TRAPPC11: variants seen among roughly 807,000 people sequenced by gnomAD.
The protein encoded by TRAPPC11 is trafficking protein particle complex subunit 11, also known as foie gras homolog.
In TRAPPC11, 104 loss-of-function variants were observed where a neutral mutation model predicts 151.2. The ratio of observed to expected loss-of-function variants is 0.69; its 90% CI spans 0.59 to 0.81. The LOEUF (loss-of-function observed/expected upper bound fraction) is 0.81, where lower values mean the gene tolerates loss of function less well. TRAPPC11 is among the 30% of genes least tolerant of loss of function. The probability of loss-of-function intolerance (pLI) is 0.00; values close to 1 mark genes in which losing one functional copy is unlikely to be tolerated. For missense variants in TRAPPC11, 1,230 were observed against 1,349.6 expected, an observed-to-expected ratio of 0.91 and a Z score of 1.39; for synonymous variants, 456 against 472.3, an observed-to-expected ratio of 0.97 and a Z score of 0.45.
Position 183,668,846 on chromosome 4 carries a change from T to C in TRAPPC11, c.560+729T>C, listed in dbSNP as rs78154273. On this transcript the variant is annotated intron_variant, in intron 5 of 29. Coordinates refer to ENST00000334690, the MANE Select transcript of TRAPPC11 (RefSeq NM_021942.6). ...TTTTATGCTAGGATGTATTTAGATA[T>C]GAATATTTTCATTGATTTTGACTGT... Among the ~76,000 whole-genome samples, 738 of 152,358 alleles carry C rather than the reference T, an allele frequency of 4.8e-3. 59 individuals are homozygous for C. The East Asian group carries it at 0.13, about 26-fold the overall frequency.
intron 29 of TRAPPC11, among the ~76,000 whole-genome samples, chr4:183,712,267 A>G (rs1422695568): frequency 3.9e-5 from 6 of 152,202 alleles, no homozygotes; most frequent in African/African-American, 1.4e-4. Flanking sequence ...CATGTGGGAG[A>G]TGGCCTGGCA....
chr4:183,661,347 C>T (rs1223379378), intron 1 of TRAPPC11, among the ~76,000 whole-genome samples: 1 of 145,752 alleles, frequency 6.9e-6, no homozygotes, highest in African/African-American at 2.5e-5. Flanking sequence ...TACTGGTATA[C>T]TGGTGTAGAT....
At chr4:183,694,141 G>T (rs1736408746) in intron 22 of TRAPPC11, 103 bp downstream of exon 22, 2 of 1,226,096 alleles carry the variant, frequency 1.6e-6, no homozygotes, top group Admixed American at 2.3e-5. Flanking sequence ...CATATTCTAG[G>T]ACTGAAAAAG....
intron 27 of TRAPPC11, chr4:183,706,051 A>T (rs1737036698): frequency 6.7e-6 from 1 of 149,582 alleles, no homozygotes; most frequent in African/African-American, 2.5e-5. Context: ...GAAAAATAAA[A>T]TGGCAGAACT....
chr4:183,713,486 T>G lies in TRAPPC11; in HGVS notation c.*842T>G, dbSNP rs1335162748. Reference sequence around the variant, plus strand: ...TGAAAATTGTATTTGTTAAAATACCTTAATAATTTAAAATGACCTGATTTC... The same window carrying G: ...TGAAAATTGTATTTGTTAAAATACCGTAATAATTTAAAATGACCTGATTTC... On this transcript the variant is annotated 3_prime_UTR_variant, in exon 30 of 30. Transcript: ENST00000334690. 2.6e-5 allele frequency: 4 copies of G among 152,694 alleles called. No individual in the cohort carries two copies. Among genetic ancestry groups the G allele is most frequent in the Admixed American group, 2.0e-4 (3 of 15,288 alleles). 9.5% of individuals were successfully genotyped at this position (152,694 alleles called of 1,614,324 possible). A position where few individuals can be genotyped will look rare whatever the true frequency, so the allele number is the denominator to read the frequency against.
In TRAPPC11 at chr4:183,697,569, GT is replaced by G; in HGVS notation, c.2694+2del. Reference sequence around the variant, plus strand: ...TGCGGTTAAATTTGTTTCTACCAAGGTATGTTTCTTTGAGGCATACTAGAAA... The same window carrying G: ...TGCGGTTAAATTTGTTTCTACCAAGGATGTTTCTTTGAGGCATACTAGAAA... On this transcript the variant is annotated splice_donor_variant, in intron 24 of 29. Transcript: ENST00000334690. LOFTEE classifies it high-confidence loss of function. 1 of 1,604,664 alleles carries G rather than the reference GT, an allele frequency of 6.2e-7. No homozygotes were observed. Among genetic ancestry groups the G allele is most frequent in the Non-Finnish European group, 8.5e-7 (1 of 1,178,030 alleles).
chr4:183,683,586 T>C (rs886834255), intron 11 of TRAPPC11, among the ~76,000 whole-genome samples: 1 of 151,748 alleles, frequency 6.6e-6, no homozygotes, highest in Admixed American at 6.6e-5. Context: ...CGCTTGAGCC[T>C]AGGAGGTTGA....
chr4:183,695,048 A>T (rs1189071082), intron 23 of TRAPPC11, among the ~76,000 whole-genome samples: 1 of 149,766 alleles, frequency 6.7e-6, no homozygotes, highest in Non-Finnish European at 1.5e-5. Context: ...TCCCGGGTTC[A>T]AGCGATTCTC....
At chr4:183,665,244 G>C (rs545905241) in intron 2 of TRAPPC11, among the ~76,000 whole-genome samples, 52 of 151,678 alleles carry the variant, frequency 3.4e-4, no homozygotes, top group Non-Finnish European at 6.9e-4. Context: ...ACAGGCGCCC[G>C]CCACCACGTC....
chr4:183,697,960 C>A, intron 25 of TRAPPC11, 125 bp downstream of exon 25: 1 of 798,246 alleles, frequency 1.3e-6, no homozygotes, highest in South Asian at 2.2e-5. Context: ...GAGACCTGCA[C>A]TCGTGAAAGC....
chr4:183,667,036 T>A lies in TRAPPC11; in HGVS notation c.375-24T>A, dbSNP rs757576636. ...CATTTTTTAAGTTAAAATAATTAAT[T>A]TTATTCTTGCTTTTTCATTGCAGGC... On this transcript the variant is annotated intron_variant, in intron 3 of 29. Coordinates refer to ENST00000334690, the MANE Select transcript of TRAPPC11 (RefSeq NM_021942.6). 4.4e-6 allele frequency: 7 copies of A among 1,579,298 alleles called. No homozygotes were observed. In the South Asian group the frequency reaches 8.1e-5, roughly 18 times the overall value.
chr4:183,711,743 A>G, intron 29 of TRAPPC11, among the ~76,000 whole-genome samples: 1 of 100,930 alleles, frequency 9.9e-6, no homozygotes, highest in Non-Finnish European at 2.6e-5. Flanking sequence ...CTTTCTGCTT[A>G]AAGCATAGCA....
At chr4:183,693,862 T>C (rs1017272106) in intron 21 of TRAPPC11, 55 bp from the exon 22 acceptor site, 1 of 1,603,248 alleles carries the variant, frequency 6.2e-7, no homozygotes, top group Middle Eastern at 1.7e-4. Context: ...CAGTATTGAT[T>C]ATTGGGATAA....
At chr4:183,703,371 C>G (rs1736891565) in intron 26 of TRAPPC11, among the ~76,000 whole-genome samples, 1 of 152,254 alleles carries the variant, frequency 6.6e-6, no homozygotes, top group Non-Finnish European at 1.5e-5. Flanking sequence ...AGTAAATAAA[C>G]TTGTCTTTCT....
intron 5 of TRAPPC11, among the ~76,000 whole-genome samples, chr4:183,670,011 A>T (rs952267423): frequency 2.6e-5 from 4 of 152,250 alleles, no homozygotes; most frequent in African/African-American, 9.6e-5. Flanking sequence ...TGGGGAGTGC[A>T]TAAGATAGTC....
intron 1 of TRAPPC11, among the ~76,000 whole-genome samples, chr4:183,660,389 A>G (rs552642929): frequency 6.6e-6 from 1 of 152,328 alleles, no homozygotes; most frequent in South Asian, 2.1e-4. Flanking sequence ...ACTCAGTACA[A>G]AAAAAGGTAA....
intron 10 of TRAPPC11, among the ~76,000 whole-genome samples, chr4:183,681,820 A>G (rs1176532926): frequency 6.6e-6 from 1 of 152,114 alleles, no homozygotes; most frequent in African/African-American, 2.4e-5. Flanking sequence ...TAATAATTTG[A>G]GAAGCTTTAA....
Position 183,708,587 on chromosome 4 carries a change from A to C in TRAPPC11, c.3357+13A>C. On this transcript the variant is annotated intron_variant, in intron 29 of 29. Coordinates refer to ENST00000334690, the MANE Select transcript of TRAPPC11 (RefSeq NM_021942.6). ...TATTTTTGTCAAGGTAAAGCTTAGCAATTTTCTGCTTTTTAAATTCAAAGT... is the reference window on the plus strand; with the variant it reads ...TATTTTTGTCAAGGTAAAGCTTAGCCATTTTCTGCTTTTTAAATTCAAAGT... 6.2e-7 allele frequency: 1 copy of C among 1,607,202 alleles called. No individual in the cohort carries two copies. Among genetic ancestry groups the C allele is most frequent in the Admixed American group, 1.7e-5 (1 of 57,938 alleles).
chr4:183,693,269 G>A lies in TRAPPC11; in HGVS notation c.2237+122G>A, dbSNP rs539348219. 27 of 990,648 alleles carry A rather than the reference G, an allele frequency of 2.7e-5. No homozygotes were observed. In the East Asian group the frequency reaches 4.3e-4, roughly 16 times the overall value. 61.4% of individuals were successfully genotyped at this position (990,648 alleles called of 1,614,324 possible). A position where few individuals can be genotyped will look rare whatever the true frequency, so the allele number is the denominator to read the frequency against. On this transcript the variant is annotated intron_variant, in intron 20 of 29. Transcript: ENST00000334690. ...TGCAGTGGTGTGATCACGACTCACT[G>A]TAGCCTTGACCACCTGAGCTCAAAC...
Sources: allele counts gnomAD v4.1 joint callset (sites outside exome capture counted in the v4.1 genomes callset), GRCh38; gene constraint gnomAD v4.1.1; transcripts MANE v1.5; gene names NCBI Gene and HGNC (gene_info 2026-07-23, HGNC 2026-07-21).